Variants in MCTP2 observed in about 807,000 individuals in gnomAD.
MCTP2 encodes the protein multiple C2 and transmembrane domain-containing protein 2.
Under a neutral mutation model 111.6 loss-of-function variants are expected in MCTP2, and 132 were observed. That is an observed-to-expected ratio of 1.18 (90% CI 1.03 to 1.37). The LOEUF (loss-of-function observed/expected upper bound fraction) is 1.37. Among genes scored for constraint, MCTP2 ranks in the 40% most tolerant of loss-of-function variants. The pLI is 0.00. For missense variants in MCTP2, 1,183 were observed against 1,067.9 expected (o/e 1.11, Z -1.50); for synonymous variants, 395 against 387.7 (o/e 1.02, Z -0.22).
At chr15:94,439,919 G>A (rs112658174) in intron 17 of MCTP2, among the ~76,000 whole-genome samples, 5 of 152,010 alleles carry the variant, frequency 3.3e-5, no homozygotes, top group African/African-American at 1.2e-4. Context: ...ATAAATTCTG[G>A]CACACTAAAA....
intron 17 of MCTP2, among the ~76,000 whole-genome samples, chr15:94,433,864 C>A (rs2083318255): frequency 6.6e-6 from 1 of 152,060 alleles, no homozygotes; most frequent in South Asian, 2.1e-4. Context: ...TGTTGGATAT[C>A]TTCCTATGTG....
intron 3 of MCTP2, 68 bp downstream of exon 3, chr15:94,314,412 T>C: frequency 8.1e-7 from 1 of 1,231,886 alleles, no homozygotes; most frequent in Non-Finnish European, 1.1e-6. Context: ...TTTGGGTTTG[T>C]ATTTTTTTTG....
In MCTP2 at chr15:94,464,240, ATATATATATATATATAT is replaced by A. The variant is rs1409038358; in HGVS notation, c.2360+6012_2360+6028del. On this transcript the variant is annotated intron_variant, in intron 20 of 22. Transcript: ENST00000357742. ...GAAATATTATATGTTTATATATATA[ATATATATATATATATAT>A]TATATATATATATATATATATAAAC... Among the ~76,000 whole-genome samples, 7 of 62,666 alleles carry A rather than the reference ATATATATATATATATAT, an allele frequency of 1.1e-4. 2 individuals are homozygous for A. The highest frequency in any genetic ancestry group is 5.1e-4 in the South Asian group (1 of 1,954). The allele number at this position is 62,666 out of a possible 152,430, so 41.1% of individuals were successfully genotyped here. A position where few individuals can be genotyped will look rare whatever the true frequency, so the allele number is the denominator to read the frequency against.
At chr15:94,345,380 G>T (rs913312423) in intron 8 of MCTP2, among the ~76,000 whole-genome samples, 25 of 152,118 alleles carry the variant, frequency 1.6e-4, no homozygotes, top group African/African-American at 5.6e-4. Flanking sequence ...TTTAGTGGTG[G>T]CATTTTATAT....
chr15:94,390,100 A>ATGTG lies in MCTP2; in HGVS notation c.1788+4576_1788+4577insGTGT, dbSNP rs1410264046. The stretch of plus-strand genomic sequence containing the variant: ...TATATATATATATATGTATATATAT[A>ATGTG]TATATATATATATGTATATATATAT... On this transcript the variant is annotated intron_variant, in intron 14 of 22. Coordinates refer to ENST00000357742, the MANE Select transcript of MCTP2 (RefSeq NM_001385001.1). 3.5e-4 allele frequency among the ~76,000 whole-genome samples: 29 copies of ATGTG among 82,534 alleles called. 5 individuals carry two copies. In the South Asian group the frequency reaches 4.4e-3, roughly 12 times the overall value. 54.1% of individuals were successfully genotyped at this position (82,534 alleles called of 152,430 possible). A position where few individuals can be genotyped will look rare whatever the true frequency, so the allele number is the denominator to read the frequency against.
chr15:94,476,361 T>C (rs981896797), intron 21 of MCTP2: 2 of 174,600 alleles, frequency 1.1e-5, no homozygotes, highest in Non-Finnish European at 2.4e-5. Context: ...TGTGTTTCTG[T>C]CGCCCTGCTG....
At chr15:94,308,131 T>A (rs1227811971) in intron 2 of MCTP2, among the ~76,000 whole-genome samples, 1 of 152,196 alleles carries the variant, frequency 6.6e-6, no homozygotes, top group Non-Finnish European at 1.5e-5. Flanking sequence ...GAGAAAAGGC[T>A]TTCAGTAAAT....
chr15:94,337,322 G>A (rs1381403606), intron 4 of MCTP2, among the ~76,000 whole-genome samples: 2 of 152,060 alleles, frequency 1.3e-5, no homozygotes, highest in African/African-American at 4.8e-5. Context: ...ACATTATGTA[G>A]CTGTCAAGAT....
intron 10 of MCTP2, among the ~76,000 whole-genome samples, chr15:94,364,614 G>GA (rs1404470379): frequency 2.0e-5 from 3 of 151,880 alleles, no homozygotes; most frequent in South Asian, 2.1e-4. Context: ...TTGAACCTAA[G>GA]AAAAAAACAC....
intron 3 of MCTP2, chr15:94,314,865 G>A (rs920804228): frequency 2.3e-6 from 1 of 438,806 alleles, no homozygotes; most frequent in Non-Finnish European, 4.6e-6. Flanking sequence ...TTGCGGGAAG[G>A]TGAGACTGTG....
chr15:94,464,257 T>TTATATATATATATATATTATA (rs1555481314), intron 20 of MCTP2, among the ~76,000 whole-genome samples: 9 of 44,946 alleles, frequency 2.0e-4, no homozygotes, highest in African/African-American at 4.8e-4. Flanking sequence ...TATATATATA[T>TTATATATATATATATATTATA]TATATATATA....
rs569377115 is a variant in MCTP2, at chr15:94,434,405, C to T, written c.2086-5771C>T. Among the ~76,000 whole-genome samples, 7 of 151,724 alleles carry T rather than the reference C, an allele frequency of 4.6e-5. No homozygotes were observed. In the South Asian group the frequency reaches 1.5e-3, roughly 32 times the overall value. On this transcript the variant is annotated intron_variant, in intron 17 of 22. Transcript: ENST00000357742. ...TTTTTTTTTTTCTATTTTTCTATTA[C>T]TCTTTATATTTTTTGTGTCCTAAGA...
chr15:94,411,791 A>G (rs189382032), intron 17 of MCTP2, among the ~76,000 whole-genome samples: 2 of 152,272 alleles, frequency 1.3e-5, no homozygotes, highest in Admixed American at 1.3e-4. Flanking sequence ...ATCAGGTTCA[A>G]TATGTAATCA....
intron 1 of MCTP2, among the ~76,000 whole-genome samples, chr15:94,266,557 C>T (rs775283008): frequency 2.6e-5 from 4 of 152,108 alleles, no homozygotes; most frequent in Admixed American, 6.5e-5. Context: ...AATAAATACA[C>T]GCTGAAGTTC....
intron 4 of MCTP2, among the ~76,000 whole-genome samples, chr15:94,331,477 T>G (rs1381353892): frequency 6.6e-6 from 1 of 150,920 alleles, no homozygotes; most frequent in Admixed American, 6.6e-5. Context: ...TGGGATGGTA[T>G]GGGGTGGGGC....
intron 20 of MCTP2, among the ~76,000 whole-genome samples, chr15:94,469,842 A>G (rs76724073): frequency 0.078 from 11,899 of 152,054 alleles, 641 homozygotes; most frequent in Middle Eastern, 0.16. Context: ...ACTGCTCTAC[A>G]GCCTGGGTAA....
At chr15:94,421,061 A>G (rs1158584939) in intron 17 of MCTP2, among the ~76,000 whole-genome samples, 1 of 151,794 alleles carries the variant, frequency 6.6e-6, no homozygotes, top group Non-Finnish European at 1.5e-5. Context: ...ACCAGCAAAA[A>G]GGTTATGACT....
At chr15:94,449,306 A>G (rs2084303039) in intron 19 of MCTP2, among the ~76,000 whole-genome samples, 1 of 152,246 alleles carries the variant, frequency 6.6e-6, no homozygotes. Flanking sequence ...CTCAAAACAA[A>G]ATATTAAGTT....
At chr15:94,326,596 C>T (rs1256101338) in intron 4 of MCTP2, among the ~76,000 whole-genome samples, 2 of 150,678 alleles carry the variant, frequency 1.3e-5, no homozygotes, top group African/African-American at 2.5e-5. Flanking sequence ...GAGACTGAGT[C>T]TCGCTCTGTC....
Sources: gnomAD v4.1 joint callset for allele counts (sites outside exome capture counted in the v4.1 genomes callset) on GRCh38, gnomAD v4.1.1 for gene constraint, MANE v1.5 for transcripts, NCBI Gene and HGNC (gene_info 2026-07-23, HGNC 2026-07-21) for gene names.